ARFGEF3: variants seen among roughly 807,000 people sequenced by gnomAD.
The protein encoded by ARFGEF3 is brefeldin A-inhibited guanine nucleotide-exchange protein 3.
In ARFGEF3, 96 loss-of-function variants were observed where a neutral mutation model predicts 221.7. The ratio of observed to expected loss-of-function variants is 0.43; its 90% CI spans 0.37 to 0.51. ARFGEF3 has a LOEUF of 0.51. ARFGEF3 is among the 20% of genes least tolerant of loss of function. The probability of loss-of-function intolerance (pLI) is 0.00; values close to 1 mark genes in which losing one functional copy is unlikely to be tolerated. For missense variants in ARFGEF3, 2,410 were observed against 2,789.9 expected (o/e 0.86, Z 3.07); for synonymous variants, 1,145 against 1,126.8 (o/e 1.02, Z -0.32).
chr6:138,225,618 A>G (rs1778070325), intron 4 of ARFGEF3, among the ~76,000 whole-genome samples: 1 of 152,170 alleles, frequency 6.6e-6, no homozygotes, highest in Non-Finnish European at 1.5e-5. Flanking sequence ...TAATCCCACA[A>G]TTAGAACCTT....
rs769105593 is a variant in ARFGEF3 at position 138,261,653 on chromosome 6, C to T, written c.1217+14C>T. ...TCTCCTCAAACTGTATGATGTTTAT[C>T]CTTTTAAGTCTTTATTGAGGCTGCT... On this transcript the variant is annotated intron_variant, in intron 11 of 33. Coordinates refer to ENST00000251691, the MANE Select transcript of ARFGEF3 (RefSeq NM_020340.5). 1 of 1,444,926 alleles carries T rather than the reference C, an allele frequency of 6.9e-7. No individual in the cohort carries two copies. The allele number at this position is 1,444,926 out of a possible 1,614,324, so 89.5% of individuals were successfully genotyped here. A position where few individuals can be genotyped will look rare whatever the true frequency, so the allele number is the denominator to read the frequency against.
At chr6:138,278,656 G>T (rs373605292) in intron 13 of ARFGEF3, 39 bp downstream of exon 13, 55 of 1,606,536 alleles carry the variant, frequency 3.4e-5, no homozygotes, top group South Asian at 1.7e-4. Flanking sequence ...CAGAGGGCAG[G>T]CTGTAACTTC....
At chr6:138,317,196 T>C (rs113075573) in intron 26 of ARFGEF3, 55 bp from the exon 27 acceptor site, 62,736 of 1,583,842 alleles carry the variant, frequency 0.04, 1,435 homozygotes, top group South Asian at 0.047. Context: ...GATCTTGAGA[T>C]GATTATTCAT....
At chr6:138,324,339 A>G (rs548187070) in intron 31 of ARFGEF3, among the ~76,000 whole-genome samples, 185 bp downstream of exon 31, 15 of 152,114 alleles carry the variant, frequency 9.9e-5, no homozygotes, top group Non-Finnish European at 2.2e-4. Context: ...CAACAGCATT[A>G]CCTCCTGTCC....
Position 138,280,121 on chromosome 6 carries a change from C to T in ARFGEF3, c.2418C>T (p.Gly806=), listed in dbSNP as rs200421192. The T allele has an allele frequency of 1.6e-4, 265 of 1,613,886 alleles. No individual in the cohort carries two copies. The highest frequency in any genetic ancestry group is 4.7e-4 in the Admixed American group (28 of 60,022). Residue 806 remains glycine, a synonymous_variant, in exon 14 of 34, where the codon GGC becomes GGT. Coordinates refer to ENST00000251691, the MANE Select transcript of ARFGEF3 (RefSeq NM_020340.5). The stretch of plus-strand genomic sequence containing the variant: ...TGCTTGGAGAGGCTGGCTATTGGGG[C>T]AGCCCAGAAGATAACAGCCTTCCCC... ...RNMLGEAGYW[G]SPEDNSLPLI...
At position 138,344,412 on chromosome 6, in the gene ARFGEF3, A is replaced by G. The variant is rs1780480480; in HGVS notation, c.*7926A>G. 6.6e-6 allele frequency: 1 copy of G among 152,182 alleles called. No homozygotes were observed. The highest frequency in any genetic ancestry group is 1.5e-5 in the Non-Finnish European group (1 of 68,032). 9.4% of individuals were successfully genotyped at this position (152,182 alleles called of 1,614,324 possible). On this transcript the variant is annotated 3_prime_UTR_variant, in exon 34 of 34. Coordinates refer to ENST00000251691, the MANE Select transcript of ARFGEF3 (RefSeq NM_020340.5). Reference sequence around the variant, plus strand: ...ATTTACTTAAAAAAACAAACTGAAAATCACACTCCTTTATATGTTGATATA... The same window carrying G: ...ATTTACTTAAAAAAACAAACTGAAAGTCACACTCCTTTATATGTTGATATA...
At chr6:138,248,036 T>C (rs1778516756) in intron 8 of ARFGEF3, among the ~76,000 whole-genome samples, 1 of 152,140 alleles carries the variant, frequency 6.6e-6, no homozygotes, top group Non-Finnish European at 1.5e-5. Flanking sequence ...TGTTCAAAGA[T>C]TGGGTGCTGT....
At chr6:138,283,053 T>TAAA (rs776352306) in intron 14 of ARFGEF3, among the ~76,000 whole-genome samples, 4 of 145,894 alleles carry the variant, frequency 2.7e-5, no homozygotes, top group African/African-American at 1.0e-4. Context: ...TCTGTCTTTT[T>TAAA]AAAAAAAAAA....
chr6:138,206,578 T>A (rs1777628135), intron 2 of ARFGEF3, among the ~76,000 whole-genome samples: 1 of 152,200 alleles, frequency 6.6e-6, no homozygotes. Flanking sequence ...AGAATTTTGA[T>A]GTATATTGAT....
intron 8 of ARFGEF3, among the ~76,000 whole-genome samples, chr6:138,248,725 C>T (rs903506209): frequency 6.6e-5 from 10 of 152,098 alleles, no homozygotes; most frequent in African/African-American, 2.4e-4. Context: ...ACTAGGGGGG[C>T]TGAGGCAGGA....
chr6:138,290,858 G>T (rs1779390272), intron 18 of ARFGEF3, among the ~76,000 whole-genome samples: 1 of 152,240 alleles, frequency 6.6e-6, no homozygotes, highest in South Asian at 2.1e-4. Context: ...ATATAGCCAT[G>T]AGTGTTTGTT....
At chr6:138,203,606 A>G (rs576505301) in intron 2 of ARFGEF3, among the ~76,000 whole-genome samples, 4 of 152,146 alleles carry the variant, frequency 2.6e-5, no homozygotes, top group Non-Finnish European at 5.9e-5. Context: ...TAATATCCAG[A>G]TGAAATCTTT....
intron 24 of ARFGEF3, among the ~76,000 whole-genome samples, chr6:138,310,334 C>T (rs1779802971): frequency 6.6e-6 from 1 of 152,210 alleles, no homozygotes; most frequent in African/African-American, 2.4e-5. Context: ...ATGTGTTCAT[C>T]TAAACCAGGA....
intron 12 of ARFGEF3, among the ~76,000 whole-genome samples, chr6:138,275,865 T>A (rs1178609390): frequency 6.6e-6 from 1 of 152,226 alleles, no homozygotes; most frequent in Non-Finnish European, 1.5e-5. Flanking sequence ...GCTGTAAATT[T>A]GTATCTCTCA....
At chr6:138,229,991 T>C (rs998148368) in intron 5 of ARFGEF3, 139 bp downstream of exon 5, 12 of 734,776 alleles carry the variant, frequency 1.6e-5, no homozygotes, top group Admixed American at 6.2e-5. Context: ...CGCTAAGGAA[T>C]TGATCTGTGG....
chr6:138,276,252 C>G (rs1292827484), intron 12 of ARFGEF3, among the ~76,000 whole-genome samples: 3 of 152,152 alleles, frequency 2.0e-5, no homozygotes, highest in Non-Finnish European at 4.4e-5. Flanking sequence ...AGTCAGGAAC[C>G]CTGAAGGCCT....
chr6:138,231,694 A>C lies in ARFGEF3; in HGVS notation c.420+1842A>C, dbSNP rs578031305. On this transcript the variant is annotated intron_variant, in intron 5 of 33. Transcript: ENST00000251691. ...ACTCCTGTGGAAATGTAAAGAAGGAATCTAGATGTTCTCTTCCTGCTTACT... is the reference window on the plus strand; with the variant it reads ...ACTCCTGTGGAAATGTAAAGAAGGACTCTAGATGTTCTCTTCCTGCTTACT... 5.9e-5 allele frequency among the ~76,000 whole-genome samples: 9 copies of C among 152,362 alleles called. No homozygotes were observed. In the South Asian group the frequency reaches 1.7e-3, roughly 28 times the overall value.
intron 14 of ARFGEF3, among the ~76,000 whole-genome samples, chr6:138,281,540 C>T (rs1019061664): frequency 1.3e-5 from 2 of 152,184 alleles, no homozygotes; most frequent in East Asian, 1.9e-4. Flanking sequence ...TGTTTAGCTC[C>T]CGCTTACAAG....
At chr6:138,177,057 CTTTATTTATTTATTTATTTA>C (rs3044801) in intron 2 of ARFGEF3, among the ~76,000 whole-genome samples, 1 of 146,174 alleles carries the variant, frequency 6.8e-6, no homozygotes, top group Non-Finnish European at 1.5e-5. Context: ...TTCACTTTTA[CTTTATTTATTTATTTATTTA>C]TTTATTTATT....
Sources: allele counts gnomAD v4.1 joint callset (sites outside exome capture counted in the v4.1 genomes callset), GRCh38; gene constraint gnomAD v4.1.1; transcripts MANE v1.5; gene names NCBI Gene and HGNC (gene_info 2026-07-23, HGNC 2026-07-21).